The following DLG2 variants were observed in gnomAD, a reference collection of about 807,000 sequenced individuals.
DLG2 encodes disks large homolog 2.
Under a neutral mutation model 132.5 loss-of-function variants are expected in DLG2, and 45 were observed. The ratio of observed to expected loss-of-function variants is 0.34; its 90% CI spans 0.27 to 0.44. The LOEUF is 0.44. Ranked by LOEUF, DLG2 falls within the 20% of genes least tolerant of loss-of-function variation. The probability of loss-of-function intolerance (pLI) is 1.00; values close to 1 mark genes in which losing one functional copy is unlikely to be tolerated. For synonymous variants in DLG2, 424 were observed against 419.6 expected (o/e 1.01, Z -0.13); for missense variants, 1,045 against 1,196.9 (o/e 0.87, Z 1.87).
At chr11:84,393,737 T>C (rs763142741) in intron 7 of DLG2, among the ~76,000 whole-genome samples, 2 of 152,174 alleles carry the variant, frequency 1.3e-5, no homozygotes, top group Non-Finnish European at 2.9e-5. Context: ...ATATAGTTTA[T>C]TTTTGTTTCC....
At chr11:83,816,534 T>C (rs1031506718) in intron 17 of DLG2, among the ~76,000 whole-genome samples, 2 of 152,148 alleles carry the variant, frequency 1.3e-5, no homozygotes, top group Admixed American at 6.6e-5. Flanking sequence ...TATTCCCTGG[T>C]AGTGCTACAG....
chr11:83,775,649 C>G (rs1409890594), intron 18 of DLG2, among the ~76,000 whole-genome samples: 1 of 151,988 alleles, frequency 6.6e-6, no homozygotes, highest in Non-Finnish European at 1.5e-5. Context: ...CTATATTTTA[C>G]TCTGCTTTAG....
intron 6 of DLG2, among the ~76,000 whole-genome samples, chr11:84,648,819 A>G (rs562981859): frequency 6.6e-6 from 1 of 152,040 alleles, no homozygotes; most frequent in South Asian, 2.1e-4. Context: ...CACAATGTCA[A>G]GCCCTCACCA....
intron 6 of DLG2, among the ~76,000 whole-genome samples, chr11:84,849,440 T>C (rs1314611596): frequency 1.3e-5 from 2 of 152,148 alleles, no homozygotes; most frequent in African/African-American, 4.8e-5. Flanking sequence ...TGTCCTTTCC[T>C]ACATATACAA....
At chr11:84,814,760 T>C (rs369310401) in intron 6 of DLG2, among the ~76,000 whole-genome samples, 2 of 152,144 alleles carry the variant, frequency 1.3e-5, no homozygotes, top group Non-Finnish European at 2.9e-5. Context: ...CTGAGTTAAA[T>C]ATGCCTTCTC....
At chr11:83,536,000 A>C (rs770422774) in intron 20 of DLG2, among the ~76,000 whole-genome samples, 28 of 152,298 alleles carry the variant, frequency 1.8e-4, no homozygotes, top group South Asian at 1.2e-3. Flanking sequence ...TCAGTTTGGG[A>C]AACAGCATTC....
intron 7 of DLG2, 52 bp downstream of exon 7, chr11:84,534,518 T>C: frequency 6.4e-7 from 1 of 1,572,826 alleles, no homozygotes; most frequent in East Asian, 2.2e-5. Context: ...CATTAGCAAT[T>C]AAGACCAACT....
chr11:84,387,156 C>T (rs769496382), intron 7 of DLG2, among the ~76,000 whole-genome samples: 7 of 152,104 alleles, frequency 4.6e-5, no homozygotes, highest in South Asian at 2.1e-4. Flanking sequence ...ACTGGGGCAG[C>T]GTCCCCAGGC....
intron 19 of DLG2, among the ~76,000 whole-genome samples, chr11:83,573,774 T>A (rs957510217): frequency 2.6e-5 from 4 of 152,180 alleles, no homozygotes; most frequent in African/African-American, 9.7e-5. Flanking sequence ...CTGGGTGCAT[T>A]TGAATGAACA....
At chr11:84,430,589 G>A (rs1354955322) in intron 7 of DLG2, among the ~76,000 whole-genome samples, 1 of 152,062 alleles carries the variant, frequency 6.6e-6, no homozygotes, top group Non-Finnish European at 1.5e-5. Flanking sequence ...CCTACAACTA[G>A]TCACAATTTT....
chr11:85,590,756 A>T (rs937262105), intron 3 of DLG2, among the ~76,000 whole-genome samples: 1 of 152,074 alleles, frequency 6.6e-6, no homozygotes, highest in Admixed American at 6.5e-5. Context: ...GAAAACCTAG[A>T]TGAGAAAGCC....
intron 6 of DLG2, among the ~76,000 whole-genome samples, chr11:84,597,940 A>G (rs76080970): frequency 0.07 from 10,589 of 152,306 alleles, 428 homozygotes; most frequent in South Asian, 0.1. Flanking sequence ...AACAAATTAA[A>G]TGATACCATG....
intron 15 of DLG2, among the ~76,000 whole-genome samples, chr11:83,901,026 T>C (rs1206454765): frequency 6.6e-6 from 1 of 152,210 alleles, no homozygotes. Context: ...GGAGATCATT[T>C]TGGAGCTCTA....
intron 9 of DLG2, among the ~76,000 whole-genome samples, chr11:84,151,908 AT>A (rs1351758427): frequency 6.6e-6 from 1 of 152,122 alleles, no homozygotes; most frequent in Non-Finnish European, 1.5e-5. Context: ...GTTTGAGAGT[AT>A]GTTTGGTATG....
chr11:84,033,980 C>T (rs1166289231), intron 11 of DLG2, among the ~76,000 whole-genome samples: 1 of 152,172 alleles, frequency 6.6e-6, no homozygotes, highest in East Asian at 1.9e-4. Flanking sequence ...ACTCAGGAAG[C>T]TGAGGCAGGA....
In DLG2 at chr11:85,084,474, T is replaced by A. The variant is rs562275650; in HGVS notation, c.357+27187A>T. Among the ~76,000 whole-genome samples the A allele has an allele frequency of 7.9e-4, 121 of 152,308 alleles. 1 individual carries two copies. Among genetic ancestry groups the A allele is most frequent in the Non-Finnish European group, 1.5e-3 (101 of 68,020 alleles). ...TGTAGTTTTGAGGAAAGTGAAGATA[T>A]GTTATAGTCCATTTATCTGAGTTGA... On this transcript the variant is annotated intron_variant, in intron 6 of 27. Coordinates refer to ENST00000376104, the MANE Select transcript of DLG2 (RefSeq NM_001142699.3).
chr11:83,980,077 A>G (rs544260390), intron 12 of DLG2, among the ~76,000 whole-genome samples: 15 of 152,302 alleles, frequency 9.8e-5, no homozygotes, highest in Non-Finnish European at 2.1e-4. Flanking sequence ...CCCTCACAAA[A>G]TCATATGTTG....
chr11:84,703,857 G>GATATATATGTGTATATATAT (rs1555174774), intron 6 of DLG2, among the ~76,000 whole-genome samples: 41 of 102,692 alleles, frequency 4.0e-4, no homozygotes, highest in African/African-American at 1.6e-3. Flanking sequence ...ATGTAGTGAA[G>GATATATATGTGTATATATAT]ATATATATAT....
chr11:83,638,321 A>C (rs1413436853), intron 18 of DLG2, among the ~76,000 whole-genome samples: 2 of 152,168 alleles, frequency 1.3e-5, no homozygotes, highest in African/African-American at 4.8e-5. Context: ...ATGTAGATGG[A>C]GTCAAAATCC....
Sources: gnomAD v4.1 joint callset for allele counts (sites outside exome capture counted in the v4.1 genomes callset) on GRCh38, gnomAD v4.1.1 for gene constraint, MANE v1.5 for transcripts, NCBI Gene and HGNC (gene_info 2026-07-23, HGNC 2026-07-21) for gene names.